Variants in REL observed in about 807,000 individuals in gnomAD.
The protein encoded by REL is REL proto-oncogene, NF-kB subunit.
In REL, 15 loss-of-function variants were observed where a neutral mutation model predicts 45.9. The observed-to-expected ratio is 0.33, with a 90% confidence interval of 0.22 to 0.50. The LOEUF (loss-of-function observed/expected upper bound fraction) is 0.50. Among genes scored for constraint, REL ranks in the 20% least tolerant of loss-of-function variants. The pLI is 0.98. For synonymous variants in REL, 239 were observed against 242.1 expected (o/e 0.99, Z 0.12); for missense variants, 601 against 715.2 (o/e 0.84, Z 1.82).
intron 4 of REL, among the ~76,000 whole-genome samples, chr2:60,913,208 T>C (rs1673869408): frequency 6.6e-6 from 1 of 152,290 alleles, no homozygotes; most frequent in East Asian, 1.9e-4. Flanking sequence ...CTTTAAATTA[T>C]ATGTCTGAAA....
In REL at chr2:60,897,098, G is replaced by A. The variant is rs186836854; in HGVS notation, c.302+2553G>A. ...CTTCCTCTCTTTCTCCATTTAAAAA[G>A]TATCACTGTAAACTCATGCATTCTT... is the stretch of plus-strand genomic sequence containing the variant. On this transcript the variant is annotated intron_variant, in intron 3 of 9. Transcript: ENST00000394479. Among the ~76,000 whole-genome samples, 12 of 152,024 alleles carry A rather than the reference G, an allele frequency of 7.9e-5. No homozygotes were observed. In the East Asian group the frequency reaches 1.9e-3, roughly 24 times the overall value.
chr2:60,901,335 T>C (rs1478249949), intron 4 of REL, among the ~76,000 whole-genome samples: 2 of 152,032 alleles, frequency 1.3e-5, no homozygotes, highest in Non-Finnish European at 2.9e-5. Context: ...CTAATTTTTG[T>C]ATTTTAAGTA....
At chr2:60,906,868 TGTGC>T (rs1290625196) in intron 4 of REL, among the ~76,000 whole-genome samples, 5 of 138,972 alleles carry the variant, frequency 3.6e-5, no homozygotes, top group Non-Finnish European at 6.5e-5. Context: ...TGTGTGTGTG[TGTGC>T]GTGTGTGTAT....
chr2:60,890,505 C>T (rs1030006830), intron 1 of REL, among the ~76,000 whole-genome samples: 2 of 152,120 alleles, frequency 1.3e-5, no homozygotes, highest in Admixed American at 1.3e-4. Flanking sequence ...CAGGATAAGC[C>T]TTAGTCAGCA....
intron 3 of REL, among the ~76,000 whole-genome samples, chr2:60,898,771 A>G (rs1673421951): frequency 6.6e-6 from 1 of 152,238 alleles, no homozygotes; most frequent in Admixed American, 6.5e-5. Flanking sequence ...GCAAAGACAG[A>G]CAAGATGTTG....
At chr2:60,910,936 AAAAC>A (rs1673797642) in intron 4 of REL, among the ~76,000 whole-genome samples, 1 of 152,240 alleles carries the variant, frequency 6.6e-6, no homozygotes, top group Admixed American at 6.5e-5. Flanking sequence ...TGTCTCAAAC[AAAAC>A]AAACAAAACT....
At chr2:60,908,280 C>G (rs567233454) in intron 4 of REL, among the ~76,000 whole-genome samples, 1 of 152,322 alleles carries the variant, frequency 6.6e-6, no homozygotes, top group East Asian at 1.9e-4. Context: ...TCTCTATCTT[C>G]TCAGCTAAGT....
At chr2:60,911,962 C>T (rs1250548718) in intron 4 of REL, among the ~76,000 whole-genome samples, 3 of 138,006 alleles carry the variant, frequency 2.2e-5, no homozygotes, top group African/African-American at 8.3e-5. Context: ...CGTGCCACTG[C>T]ACTCCAGCCT....
chr2:60,922,770 G>T lies in REL; in HGVS notation c.*235G>T. ...TAAAAAGACAACTCAGAGGCCAGGC[G>T]CAGGGGCTCACACCTGTAATCCTAG... On this transcript the variant is annotated 3_prime_UTR_variant, in exon 10 of 10. Coordinates refer to ENST00000394479, the MANE Select transcript of REL (RefSeq NM_001291746.2). The T allele has an allele frequency of 9.0e-7, 1 of 1,108,368 alleles. No individual in the cohort carries two copies. Among genetic ancestry groups the T allele is most frequent in the South Asian group, 3.1e-5 (1 of 32,170 alleles). The allele number at this position is 1,108,368 out of a possible 1,614,324, so 68.7% of individuals were successfully genotyped here.
intron 3 of REL, among the ~76,000 whole-genome samples, chr2:60,896,254 G>A (rs963796763): frequency 4.0e-5 from 6 of 151,884 alleles, no homozygotes; most frequent in East Asian, 1.9e-4. Context: ...GGTGATCCAC[G>A]TGCCTCAGCC....
chr2:60,907,880 G>T (rs1673706350), intron 4 of REL, among the ~76,000 whole-genome samples: 1 of 151,336 alleles, frequency 6.6e-6, no homozygotes, highest in South Asian at 2.1e-4. Flanking sequence ...TTTTAGTAGA[G>T]ACAGGGTTCC....
rs1246714654 is a variant in REL, at chr2:60,930,496, C to T, written c.*7961C>T. On this transcript the variant is annotated 3_prime_UTR_variant, in exon 10 of 10. Coordinates refer to ENST00000394479, the MANE Select transcript of REL (RefSeq NM_001291746.2). ...TGGGTTGTCTGTATCTAGTTTTATG[C>T]CTTTTTTTTGCCTAAGACGTAGTCA... 1 of 152,158 alleles carries T rather than the reference C, an allele frequency of 6.6e-6. No homozygotes were observed. Among genetic ancestry groups the T allele is most frequent in the African/African-American group, 2.4e-5 (1 of 41,378 alleles). The allele number at this position is 152,158 out of a possible 1,614,324, so 9.4% of individuals were successfully genotyped here. A position where few individuals can be genotyped will look rare whatever the true frequency, so the allele number is the denominator to read the frequency against.
rs149537145 is a variant in REL at position 60,901,714 on chromosome 2, C to G, written c.394+631C>G. Reference sequence around the variant, plus strand: ...TTCCAGCAGACAACATACACTCCCCCCTTTTGAGTGTTAAATAGGCACTGT... The same window carrying G: ...TTCCAGCAGACAACATACACTCCCCGCTTTTGAGTGTTAAATAGGCACTGT... On this transcript the variant is annotated intron_variant, in intron 4 of 9. Transcript: ENST00000394479. Among the ~76,000 whole-genome samples the G allele has an allele frequency of 5.4e-3, 818 of 152,236 alleles. 3 individuals carry two copies. The highest frequency in any genetic ancestry group is 0.048 in the Middle Eastern group (14 of 294).
intron 1 of REL, among the ~76,000 whole-genome samples, chr2:60,891,376 T>G (rs1297619504): frequency 6.6e-6 from 1 of 152,220 alleles, no homozygotes; most frequent in Non-Finnish European, 1.5e-5. Context: ...GGGAGGCAGA[T>G]ATCTCTGAAG....
At position 60,923,595 on chromosome 2, in the gene REL, C is replaced by G. The variant is rs1336452639; in HGVS notation, c.*1060C>G. The G allele has an allele frequency of 8.6e-6, 2 of 232,704 alleles. No individual in the cohort carries two copies. Among genetic ancestry groups the G allele is most frequent in the Non-Finnish European group, 8.5e-6 (1 of 117,766 alleles). 14.4% of individuals were successfully genotyped at this position (232,704 alleles called of 1,614,324 possible). On this transcript the variant is annotated 3_prime_UTR_variant, in exon 10 of 10. Coordinates refer to ENST00000394479, the MANE Select transcript of REL (RefSeq NM_001291746.2). ...CTCAGTAAATGGCAATGCCATACTT[C>G]TGGTTGCTCAGGCCAAAAACCCTGA...
At chr2:60,906,857 A>G (rs529427418) in intron 4 of REL, among the ~76,000 whole-genome samples, 9 of 139,944 alleles carry the variant, frequency 6.4e-5, no homozygotes, top group African/African-American at 2.1e-4. Flanking sequence ...GTGTGTATGT[A>G]TGTGTGTGTG....
intron 1 of REL, among the ~76,000 whole-genome samples, chr2:60,888,343 A>G (rs1317174503): frequency 6.6e-6 from 1 of 152,158 alleles, no homozygotes; most frequent in Non-Finnish European, 1.5e-5. Context: ...TCCCACCAAG[A>G]CACCTTTAAA....
chr2:60,882,275 C>A (rs952655700), intron 1 of REL, among the ~76,000 whole-genome samples: 5 of 152,166 alleles, frequency 3.3e-5, no homozygotes, highest in African/African-American at 1.2e-4. Flanking sequence ...GAGGTGATCC[C>A]CCTTGTACTG....
intron 2 of REL, among the ~76,000 whole-genome samples, chr2:60,893,461 C>A (rs961458171): frequency 2.0e-5 from 3 of 152,104 alleles, no homozygotes; most frequent in South Asian, 2.1e-4. Context: ...TTTTTTGAGT[C>A]ATTTTTAAAC....
Sources: allele counts gnomAD v4.1 joint callset (sites outside exome capture counted in the v4.1 genomes callset), GRCh38; gene constraint gnomAD v4.1.1; transcripts MANE v1.5; gene names NCBI Gene and HGNC (gene_info 2026-07-23, HGNC 2026-07-21).